PRUNE2: variants seen among roughly 807,000 people sequenced by gnomAD.
The protein encoded by PRUNE2 is prune homolog 2 with BCH domain, also known as protein prune homolog 2.
Under a neutral mutation model 252.0 loss-of-function variants are expected in PRUNE2, and 164 were observed. The ratio of observed to expected loss-of-function variants is 0.65; its 90% confidence interval spans 0.57 to 0.74. PRUNE2 has a LOEUF of 0.74. Among genes scored for constraint, PRUNE2 ranks in the 30% least tolerant of loss-of-function variants. PRUNE2 has a pLI of 0.00. For synonymous variants in PRUNE2, 1,292 were observed against 1,350.2 expected (o/e 0.96, Z 0.94); for missense variants, 3,495 against 3,711.0 (o/e 0.94, Z 1.51).
At chr9:76,899,027 G>A (rs147046945) in intron 1 of PRUNE2, among the ~76,000 whole-genome samples, 1 of 152,180 alleles carries the variant, frequency 6.6e-6, no homozygotes, top group Non-Finnish European at 1.5e-5. Flanking sequence ...AGGAAGTCTG[G>A]AATGCCTAAT....
At chr9:76,870,522 A>G (rs1287322694) in intron 1 of PRUNE2, among the ~76,000 whole-genome samples, 1 of 151,990 alleles carries the variant, frequency 6.6e-6, no homozygotes, top group Admixed American at 6.6e-5. Flanking sequence ...CGTCTCTACT[A>G]AAAATACAAA....
chr9:76,648,801 A>G (rs988233512), intron 11 of PRUNE2, among the ~76,000 whole-genome samples: 6 of 152,382 alleles, frequency 3.9e-5, no homozygotes, highest in African/African-American at 1.2e-4. Flanking sequence ...ACTACAAGCC[A>G]AGACTCCTAC....
chr9:76,842,318 A>C (rs993566139), intron 4 of PRUNE2, among the ~76,000 whole-genome samples: 1 of 152,220 alleles, frequency 6.6e-6, no homozygotes, highest in Non-Finnish European at 1.5e-5. Context: ...CCCTTTCCTT[A>C]CACCTTACAA....
At chr9:76,760,035 A>G (rs1046442644) in intron 6 of PRUNE2, 1 of 152,246 alleles carries the variant, frequency 6.6e-6, no homozygotes, top group Non-Finnish European at 1.5e-5. Context: ...ACACTAACAT[A>G]ATAATAGTTA....
intron 8 of PRUNE2, 110 bp from the exon 9 acceptor site, chr9:76,704,209 T>A: frequency 2.2e-6 from 1 of 463,236 alleles, no homozygotes; most frequent in Non-Finnish European, 3.1e-6. Flanking sequence ...TAATATTTTT[T>A]ATATATTTTA....
rs764581851 is a variant in PRUNE2 at position 76,724,369 on chromosome 9, G to T, written c.757-10648C>A. 7.6e-4 allele frequency among the ~76,000 whole-genome samples: 86 copies of T among 113,140 alleles called. 1 individual carries two copies. Among genetic ancestry groups the T allele is most frequent in the Non-Finnish European group, 9.8e-4 (56 of 57,332 alleles). 74.2% of individuals were successfully genotyped at this position (113,140 alleles called of 152,430 possible). A position where few individuals can be genotyped will look rare whatever the true frequency, so the allele number is the denominator to read the frequency against. On this transcript the variant is annotated intron_variant, in intron 6 of 18. Coordinates refer to ENST00000376718, the MANE Select transcript of PRUNE2 (RefSeq NM_015225.3). ...CATGCCTGTGGTCCCAGCTACTGGG[G>T]AGGCTGGGATGGGAGGATTGGTTGA...
chr9:76,765,186 T>C (rs751723889), intron 6 of PRUNE2, among the ~76,000 whole-genome samples: 2 of 152,074 alleles, frequency 1.3e-5, no homozygotes, highest in Non-Finnish European at 2.9e-5. Flanking sequence ...GGAACCAAGC[T>C]GGGAATTCCA....
chr9:76,644,992 A>G, intron 11 of PRUNE2, 83 bp from the exon 12 acceptor site: 6 of 1,240,878 alleles, frequency 4.8e-6, no homozygotes, highest in Non-Finnish European at 6.8e-6. Context: ...AAGCTTTACA[A>G]TACAGTACTC....
At chr9:76,815,009 A>G (rs1036389805) in intron 6 of PRUNE2, among the ~76,000 whole-genome samples, 2 of 152,178 alleles carry the variant, frequency 1.3e-5, no homozygotes, top group African/African-American at 4.8e-5. Flanking sequence ...CTGTTGATGA[A>G]GTCGTATCCT....
At chr9:76,720,860 G>T (rs1178859997) in intron 6 of PRUNE2, among the ~76,000 whole-genome samples, 6 of 152,096 alleles carry the variant, frequency 3.9e-5, no homozygotes, top group Admixed American at 3.9e-4. Context: ...ATATAAAAAT[G>T]ATGTAAGGTT....
At chr9:76,659,677 T>C (rs934806065) in intron 9 of PRUNE2, among the ~76,000 whole-genome samples, 14 of 152,066 alleles carry the variant, frequency 9.2e-5, no homozygotes, top group Admixed American at 3.9e-4. Flanking sequence ...TGAGAATCCC[T>C]ACTCTGACGA....
In PRUNE2 at chr9:76,708,369, G is replaced by A; in HGVS notation, c.3905C>T (p.Thr1302Ile). The A allele has an allele frequency of 6.2e-7, 1 of 1,613,752 alleles. No individual in the cohort carries two copies. ...TLQSDAASLA[T>I]RLENPGYFPH... is the part of the protein sequence containing the mutation. ...AAAATACCCTGGATTCTCAAGCCTA[G>A]TCGCCAAGGATGCTGCATCACTTTG... Residue 1302 changes from threonine to isoleucine, a missense_variant, in exon 8 of 19, where the codon ACT (threonine) becomes ATT (isoleucine). Physicochemically the swap from Thr to Ile is moderately conservative, Grantham distance 89. Transcript: ENST00000376718.
chr9:76,704,251 G>A (rs1365527670), intron 8 of PRUNE2, among the ~76,000 whole-genome samples, 152 bp from the exon 9 acceptor site: 1 of 151,994 alleles, frequency 6.6e-6, no homozygotes, highest in East Asian at 1.9e-4. Context: ...TTGAGACAGA[G>A]TCCCGCTCTG....
chr9:76,640,325 G>A (rs1356445384), intron 12 of PRUNE2, among the ~76,000 whole-genome samples: 1 of 152,178 alleles, frequency 6.6e-6, no homozygotes, highest in Non-Finnish European at 1.5e-5. Flanking sequence ...CAAAGAGAGT[G>A]TGACTCTACT....
At chr9:76,646,401 G>T (rs148786820) in intron 11 of PRUNE2, among the ~76,000 whole-genome samples, 1 of 152,150 alleles carries the variant, frequency 6.6e-6, no homozygotes, top group Non-Finnish European at 1.5e-5. Flanking sequence ...AATGAAGTTC[G>T]GTTGGGAAGC....
At chr9:76,795,284 G>A (rs1284405240) in intron 6 of PRUNE2, among the ~76,000 whole-genome samples, 1 of 152,106 alleles carries the variant, frequency 6.6e-6, no homozygotes, top group African/African-American at 2.4e-5. Context: ...GTAACACTGG[G>A]CTTCAAAGAC....
At chr9:76,852,806 GTCTATCTATCTATCTATCTATCTA>G (rs71354689) in intron 2 of PRUNE2, among the ~76,000 whole-genome samples, 2 of 76,536 alleles carry the variant, frequency 2.6e-5, no homozygotes, top group African/African-American at 1.1e-4. Flanking sequence ...CTGTCTGTCT[GTCTATCTATCTATCTATCTATCTA>G]TCTATCTATC....
rs1488182791 is a variant in PRUNE2 at position 76,704,923 on chromosome 9, G to A, written c.7351C>T (p.Pro2451Ser). 1.2e-6 allele frequency: 2 copies of A among 1,612,120 alleles called. No homozygotes were observed. The highest frequency in any genetic ancestry group is 1.7e-6 in the Non-Finnish European group (2 of 1,178,994). Residue 2451 changes from proline (P) to serine (S), a missense_variant, in exon 8 of 19, where the codon CCT (proline) becomes TCT (serine). Physicochemically the swap from Pro to Ser is moderately conservative, Grantham distance 74. Coordinates refer to ENST00000376718, the MANE Select transcript of PRUNE2 (RefSeq NM_015225.3). Reference protein sequence around the residue: ...GNQAETKNRLPGSQLAVLHIR... With the variant: ...GNQAETKNRLSGSQLAVLHIR... ...TGCAGCACAGCCAGCTGGGATCCAG[G>A]CAGTCTGTTTTTGGTCTCAGCCTGG...
intron 1 of PRUNE2, among the ~76,000 whole-genome samples, chr9:76,858,163 C>T (rs2060358666): frequency 6.6e-6 from 1 of 152,198 alleles, no homozygotes; most frequent in Non-Finnish European, 1.5e-5. Context: ...TAAAAATCTG[C>T]TTGTGCCAGG....
Sources: allele counts gnomAD v4.1 joint callset (sites outside exome capture counted in the v4.1 genomes callset), GRCh38; gene constraint gnomAD v4.1.1; transcripts MANE v1.5; gene names NCBI Gene and HGNC (gene_info 2026-07-23, HGNC 2026-07-21).